The following CNTNAP2 variants were observed in gnomAD, a reference collection of about 807,000 sequenced individuals.
The protein encoded by CNTNAP2 is contactin associated protein 2, also known as contactin-associated protein-like 2.
CNTNAP2 carries 98 observed loss-of-function variants against 155.2 expected under a neutral mutation model. That is an observed-to-expected ratio of 0.63 (90% CI 0.54 to 0.75). CNTNAP2 has a LOEUF of 0.75. CNTNAP2 is among the 30% of genes least tolerant of loss of function. The pLI is 0.00. For missense variants in CNTNAP2, 1,727 were observed against 1,688.1 expected, an observed-to-expected ratio of 1.02 and a Z score of -0.40; for synonymous variants, 651 against 631.2, an observed-to-expected ratio of 1.03 and a Z score of -0.47.
chr7:147,515,989 T>G (rs375654325), intron 11 of CNTNAP2, among the ~76,000 whole-genome samples: 1 of 147,388 alleles, frequency 6.8e-6, no homozygotes, highest in Non-Finnish European at 1.5e-5. Context: ...AAGTAAAATT[T>G]AAGTATAGAT....
chr7:148,295,639 C>A (rs1797268013), intron 21 of CNTNAP2, among the ~76,000 whole-genome samples: 1 of 138,294 alleles, frequency 7.2e-6, no homozygotes, highest in Non-Finnish European at 1.6e-5. Flanking sequence ...CTACCGGTGC[C>A]CGCCACCGCG....
intron 9 of CNTNAP2, among the ~76,000 whole-genome samples, chr7:147,360,242 G>A (rs184088704): frequency 1.3e-5 from 2 of 152,070 alleles, no homozygotes; most frequent in African/African-American, 4.8e-5. Context: ...TTCATCCTGT[G>A]TCTTCATCCT....
intron 6 of CNTNAP2, chr7:147,121,509 T>C (rs1019377861): frequency 1.2e-5 from 3 of 244,092 alleles, no homozygotes; most frequent in Admixed American, 5.2e-5. Flanking sequence ...TGCAGTACAT[T>C]ATATGCAGAG....
At chr7:147,347,420 T>TTATATATATA (rs137977529) in intron 9 of CNTNAP2, among the ~76,000 whole-genome samples, 57 of 120,708 alleles carry the variant, frequency 4.7e-4, no homozygotes, top group Middle Eastern at 4.2e-3. Context: ...TGTGAAAAGA[T>TTATATATATA]TATATATATA....
chr7:146,703,572 C>T (rs1028249670), intron 1 of CNTNAP2, among the ~76,000 whole-genome samples: 2 of 152,066 alleles, frequency 1.3e-5, no homozygotes, highest in African/African-American at 4.8e-5. Context: ...TCTCATGGTT[C>T]TGGAGGCCAG....
Position 147,736,390 on chromosome 7 carries a change from A to T in CNTNAP2, c.2098+97084A>T, listed in dbSNP as rs865968377. ...CTTGTAGAGTTTCTGCCAAGAGATC[A>T]GCTGTTAGTCTGATGGGCTTCCCTT... is the stretch of plus-strand genomic sequence containing the variant. On this transcript the variant is annotated intron_variant, in intron 13 of 23. Transcript: ENST00000361727. 1.5e-3 allele frequency among the ~76,000 whole-genome samples: 226 copies of T among 152,310 alleles called. 1 individual carries two copies. The highest frequency in any genetic ancestry group is 4.7e-3 in the African/African-American group (197 of 41,568).
In CNTNAP2 at chr7:146,712,403, T is replaced by TA. The variant is rs200829996; in HGVS notation, c.98-61862dup. ...ATGTATACTATATATATAAATAAAA[T>TA]AAAAAACAGGAAATTGCTTGGTGCC... On this transcript the variant is annotated intron_variant, in intron 1 of 23. Coordinates refer to ENST00000361727, the MANE Select transcript of CNTNAP2 (RefSeq NM_014141.6). 7.0e-3 allele frequency among the ~76,000 whole-genome samples: 1,006 copies of TA among 144,392 alleles called. 15 individuals carry two copies. Among genetic ancestry groups the TA allele is most frequent in the Non-Finnish European group, 0.011 (754 of 65,602 alleles). 94.7% of individuals were successfully genotyped at this position (144,392 alleles called of 152,430 possible).
intron 1 of CNTNAP2, among the ~76,000 whole-genome samples, chr7:146,445,733 G>A (rs763569297): frequency 1.1e-4 from 16 of 152,116 alleles, no homozygotes; most frequent in South Asian, 2.1e-4. Flanking sequence ...AAGTAGTAGA[G>A]CAAGATGAAT....
chr7:147,299,991 G>A, intron 8 of CNTNAP2, 150 bp from the exon 9 acceptor site: 1 of 772,376 alleles, frequency 1.3e-6, no homozygotes, highest in Non-Finnish European at 2.1e-6. Flanking sequence ...ATGTTAAAGA[G>A]ACATGAGACG....
At chr7:148,259,920 T>G (rs1350366910) in intron 20 of CNTNAP2, among the ~76,000 whole-genome samples, 1 of 152,226 alleles carries the variant, frequency 6.6e-6, no homozygotes, top group East Asian at 1.9e-4. Flanking sequence ...GTCTTTAATT[T>G]TAATGAGCCT....
intron 4 of CNTNAP2, among the ~76,000 whole-genome samples, chr7:147,090,917 A>C (rs1437659604): frequency 6.6e-6 from 1 of 152,158 alleles, no homozygotes; most frequent in Non-Finnish European, 1.5e-5. Context: ...AATAATCAAG[A>C]AATGTTCTCT....
At chr7:146,698,694 G>A (rs1800824935) in intron 1 of CNTNAP2, among the ~76,000 whole-genome samples, 1 of 151,858 alleles carries the variant, frequency 6.6e-6, no homozygotes, top group African/African-American at 2.4e-5. Context: ...ATTATTTCTT[G>A]GGCTCTTCCT....
At chr7:146,834,518 G>T (rs1001349604) in intron 2 of CNTNAP2, among the ~76,000 whole-genome samples, 4 of 152,110 alleles carry the variant, frequency 2.6e-5, no homozygotes, top group Non-Finnish European at 4.4e-5. Context: ...GATGGGAGGG[G>T]TGGGAAAGGG....
At chr7:147,193,326 TA>T (rs1429872754) in intron 8 of CNTNAP2, among the ~76,000 whole-genome samples, 1 of 152,224 alleles carries the variant, frequency 6.6e-6, no homozygotes, top group Non-Finnish European at 1.5e-5. Context: ...AAGGTCTGTC[TA>T]AGCCTGTCGA....
chr7:147,190,800 T>A (rs1802664487), intron 8 of CNTNAP2, among the ~76,000 whole-genome samples: 2 of 152,342 alleles, frequency 1.3e-5, no homozygotes, highest in Non-Finnish European at 2.9e-5. Context: ...TTAGCCAGAT[T>A]AAACTCACTG....
intron 2 of CNTNAP2, among the ~76,000 whole-genome samples, chr7:146,835,783 A>C (rs1040207219): frequency 3.9e-5 from 6 of 152,092 alleles, no homozygotes; most frequent in Non-Finnish European, 7.4e-5. Flanking sequence ...AAACCTGTGG[A>C]AGAGAAAGGA....
intron 1 of CNTNAP2, among the ~76,000 whole-genome samples, chr7:146,648,341 T>C (rs1443843367): frequency 6.6e-6 from 1 of 152,162 alleles, no homozygotes; most frequent in East Asian, 1.9e-4. Context: ...GTTTTCAAAC[T>C]TTATAAGGAA....
chr7:146,793,773 G>C (rs569432630), intron 2 of CNTNAP2, among the ~76,000 whole-genome samples: 16 of 152,312 alleles, frequency 1.1e-4, no homozygotes, highest in African/African-American at 3.8e-4. Flanking sequence ...CCCAGGGTGG[G>C]ATTAGACAGC....
At chr7:148,147,418 T>C (rs1805205862) in intron 16 of CNTNAP2, 73 bp from the exon 17 acceptor site, 2 of 1,432,980 alleles carry the variant, frequency 1.4e-6, no homozygotes, top group African/African-American at 2.8e-5. Context: ...GCTTTGTTTG[T>C]CGTCTAGAAT....
Sources: allele counts gnomAD v4.1 joint callset (sites outside exome capture counted in the v4.1 genomes callset), GRCh38; gene constraint gnomAD v4.1.1; transcripts MANE v1.5; gene names NCBI Gene and HGNC (gene_info 2026-07-23, HGNC 2026-07-21).